DHX36: variants seen among roughly 807,000 people sequenced by gnomAD.
DHX36 encodes the protein DEAH-box helicase 36.
A neutral mutation model predicts 139.0 loss-of-function variants in DHX36; 50 were observed. The observed-to-expected ratio is 0.36, with a 90% CI of 0.29 to 0.46. DHX36 has a LOEUF of 0.46. Ranked by LOEUF, DHX36 falls within the 20% of genes least tolerant of loss-of-function variation. The probability of loss-of-function intolerance (pLI) is 1.00; values close to 1 mark genes in which losing one functional copy is unlikely to be tolerated. For missense variants in DHX36, 1,024 were observed against 1,211.3 expected, an observed-to-expected ratio of 0.85 and a Z score of 2.29; for synonymous variants, 425 against 401.9, an observed-to-expected ratio of 1.06 and a Z score of -0.69.
chr3:154,305,335 T>TGA, intron 6 of DHX36, 167 bp from the exon 7 acceptor site: 1 of 579,048 alleles, frequency 1.7e-6, no homozygotes, highest in Non-Finnish European at 3.0e-6. Flanking sequence ...TAATGGGAAA[T>TGA]ACTTCAAGTT....
At chr3:154,294,012 C>T (rs1413521301) in intron 13 of DHX36, among the ~76,000 whole-genome samples, 200 bp from the exon 14 acceptor site, 2 of 152,176 alleles carry the variant, frequency 1.3e-5, no homozygotes, top group Non-Finnish European at 2.9e-5. Flanking sequence ...TGGTAAACCA[C>T]ATTAAATCTC....
rs1186045194 is a variant in DHX36 at position 154,324,003 on chromosome 3, G to GTTACGCAGTACA, written c.243+159_243+170dup. Among the ~76,000 whole-genome samples, 3 of 152,232 alleles carry GTTACGCAGTACA rather than the reference G, an allele frequency of 2.0e-5. No homozygotes were observed. The East Asian group carries it at 5.8e-4, about 29-fold the overall frequency. ...TTTTGGTCAGATGAGCATGGCTAATGTTACGCAGTACACCCGCTACGGGGA... is the reference window on the plus strand; with the variant it reads ...TTTTGGTCAGATGAGCATGGCTAATGTTACGCAGTACATTACGCAGTACACCCGCTACGGGGA... On this transcript the variant is annotated intron_variant, in intron 1 of 24. Transcript: ENST00000496811.
At chr3:154,314,705 G>A (rs1712896026) in intron 3 of DHX36, 1 of 178,454 alleles carries the variant, frequency 5.6e-6, no homozygotes, top group Non-Finnish European at 1.2e-5. Flanking sequence ...TAAGTAATCT[G>A]GAACAAGCTT....
chr3:154,308,219 A>G (rs1193812350), intron 5 of DHX36, among the ~76,000 whole-genome samples: 2 of 152,154 alleles, frequency 1.3e-5, no homozygotes, highest in African/African-American at 4.8e-5. Flanking sequence ...AAATTTACAC[A>G]CTTCTTTTTA....
Position 154,276,185 on chromosome 3 carries a change from C to T in DHX36, c.3013G>A (p.Gly1005Arg), listed in dbSNP as rs147479799. 7.4e-5 allele frequency: 119 copies of T among 1,610,950 alleles called. 1 individual carries two copies. The African/African-American group carries it at 1.5e-3, about 20-fold the overall frequency. Residue 1005 changes from glycine to arginine, a missense_variant, in exon 25 of 25, where the codon GGA (glycine) becomes AGA (arginine). Physicochemically the swap from Gly to Arg is moderately radical, Grantham distance 125. Transcript: ENST00000496811. ...PRNFPPRFQD[G>R]YYS ...CTGAAAAGCTGTCAGCTGTAATATC[C>T]ATCCTGGAATCGTGGCGGAAAGTTC...
chr3:154,312,965 G>C (rs1391975864), intron 3 of DHX36, among the ~76,000 whole-genome samples: 9 of 135,668 alleles, frequency 6.6e-5, no homozygotes, highest in Middle Eastern at 4.1e-3. Flanking sequence ...GTTATGGTCA[G>C]GTAATTCTTA....
At position 154,277,600 on chromosome 3, in the gene DHX36, T is replaced by G; in HGVS notation, c.2686A>C (p.Ser896Arg). 6.2e-7 allele frequency: 1 copy of G among 1,606,080 alleles called. No individual in the cohort carries two copies. Among genetic ancestry groups the G allele is most frequent in the Non-Finnish European group, 8.5e-7 (1 of 1,175,324 alleles). Residue 896 changes from serine (S) to arginine (R), a missense_variant and splice_region_variant, in exon 23 of 25, where the codon AGT becomes CGT. This residue lies in a region of DHX36 where 470 missense variants were observed against 616.2 expected (regional missense o/e 0.76). Coordinates refer to ENST00000496811, the MANE Select transcript of DHX36 (RefSeq NM_020865.3). ...LIYHLKMRTSSIYLYDCTEVS... is the reference protein window; with the variant it reads ...LIYHLKMRTSRIYLYDCTEVS... ...AATTATTTTAAATGTTCACTTACAC[T>G]GCTTGTTCTCATCTTTAGGTGATAG...
intron 8 of DHX36, among the ~76,000 whole-genome samples, chr3:154,304,506 C>T (rs1712425664): frequency 6.6e-6 from 1 of 152,156 alleles, no homozygotes; most frequent in Non-Finnish European, 1.5e-5. Flanking sequence ...ATAAAAGCCA[C>T]AGAAAAACAA....
chr3:154,285,455 T>G (rs1490470220), intron 17 of DHX36, among the ~76,000 whole-genome samples: 1 of 152,174 alleles, frequency 6.6e-6, no homozygotes, highest in Non-Finnish European at 1.5e-5. Flanking sequence ...CCCTAGGTCA[T>G]CTGGTCCAAC....
chr3:154,276,983 TTAA>T lies in DHX36; in HGVS notation c.2689-87_2689-85del, dbSNP rs1366055130. 6 of 1,149,846 alleles carry T rather than the reference TTAA, an allele frequency of 5.2e-6. No homozygotes were observed. In the African/African-American group the frequency reaches 6.4e-5, roughly 12 times the overall value. The allele number at this position is 1,149,846 out of a possible 1,614,324, so 71.2% of individuals were successfully genotyped here. A position where few individuals can be genotyped will look rare whatever the true frequency, so the allele number is the denominator to read the frequency against. On this transcript the variant is annotated intron_variant, in intron 23 of 24. Coordinates refer to ENST00000496811, the MANE Select transcript of DHX36 (RefSeq NM_020865.3). ...AATTCAACAATATTACCAGTATTAA[TTAA>T]TGAGTATCTTCCTTCTAAAATATTA...
intron 16 of DHX36, 59 bp downstream of exon 16, chr3:154,289,650 A>C (rs867719379): frequency 3.0e-6 from 3 of 1,000,122 alleles, no homozygotes; most frequent in Middle Eastern, 3.1e-4. Flanking sequence ...TTGTTCTACA[A>C]AAGATGTTGA....
At chr3:154,309,183 G>C (rs1266491516) in intron 5 of DHX36, among the ~76,000 whole-genome samples, 1 of 151,180 alleles carries the variant, frequency 6.6e-6, no homozygotes, top group Admixed American at 6.6e-5. Flanking sequence ...ATAAGACCCT[G>C]TCTCAAAAAA....
intron 12 of DHX36, among the ~76,000 whole-genome samples, chr3:154,298,321 A>T (rs1417266708): frequency 6.6e-6 from 1 of 152,178 alleles, no homozygotes; most frequent in African/African-American, 2.4e-5. Flanking sequence ...AATAATGTTT[A>T]TAATAATGGG....
At chr3:154,295,430 C>T in intron 12 of DHX36, 91 bp from the exon 13 acceptor site, 1 of 544,694 alleles carries the variant, frequency 1.8e-6, no homozygotes, top group South Asian at 2.9e-5. Flanking sequence ...GAAGCTGAAC[C>T]ACTCAATTCT....
intron 12 of DHX36, 25 bp downstream of exon 12, chr3:154,299,813 A>G (rs1320430343): frequency 1.3e-6 from 2 of 1,496,196 alleles, no homozygotes; most frequent in Non-Finnish European, 9.3e-7. Context: ...TCTTTGAATT[A>G]CAGTAAAATA....
intron 15 of DHX36, among the ~76,000 whole-genome samples, chr3:154,291,837 C>A (rs544901859): frequency 6.6e-6 from 1 of 152,288 alleles, no homozygotes; most frequent in South Asian, 2.1e-4. Flanking sequence ...TGAATAAGTG[C>A]AGAAATACTG....
intron 14 of DHX36, 26 bp downstream of exon 14, chr3:154,293,722 T>C: frequency 6.5e-7 from 1 of 1,546,370 alleles, no homozygotes; most frequent in Non-Finnish European, 8.9e-7. Flanking sequence ...TAATCATCAG[T>C]ATTTGATATT....
At position 154,274,317 on chromosome 3, in the gene DHX36, AAAAAC is replaced by A. The variant is rs970800282; in HGVS notation, c.*1849_*1853del. ...GGCAAGACACTGTCTCCAAAAAACA[AAAAAC>A]AAAACAAAACAAAACAAAAAACCAA... is the stretch of plus-strand genomic sequence containing the variant. On this transcript the variant is annotated 3_prime_UTR_variant, in exon 25 of 25. Transcript: ENST00000496811. 77 of 190,858 alleles carry A rather than the reference AAAAAC, an allele frequency of 4.0e-4. No individual in the cohort carries two copies. The highest frequency in any genetic ancestry group is 1.7e-3 in the South Asian group (17 of 9,938). The allele number at this position is 190,858 out of a possible 1,614,324, so 11.8% of individuals were successfully genotyped here.
chr3:154,280,906 C>T (rs376754975), intron 20 of DHX36, 44 bp from the exon 21 acceptor site: 18 of 1,426,872 alleles, frequency 1.3e-5, no homozygotes, highest in Non-Finnish European at 1.8e-5. Flanking sequence ...ACCTTTCACA[C>T]ATTGAGGCTA....
Sources: gnomAD v4.1 joint callset for allele counts (sites outside exome capture counted in the v4.1 genomes callset) on GRCh38, gnomAD v4.1.1 for gene constraint, gnomAD v4.1.1 regional missense constraint, MANE v1.5 for transcripts, NCBI Gene and HGNC (gene_info 2026-07-23, HGNC 2026-07-21) for gene names.